The following CDC14A variants were observed in gnomAD, a reference collection of about 807,000 sequenced individuals.
The protein encoded by CDC14A is cell division cycle 14A.
A neutral mutation model predicts 74.4 loss-of-function variants in CDC14A; 53 were observed. The observed-to-expected ratio is 0.71, with a 90% CI of 0.57 to 0.89. CDC14A has a LOEUF of 0.89. Ranked by LOEUF, CDC14A falls within the 40% of genes least tolerant of loss-of-function variation. The pLI is 0.00. For missense variants in CDC14A, 646 were observed against 713.7 expected (o/e 0.91, Z 1.08); for synonymous variants, 247 against 258.4 (o/e 0.96, Z 0.43).
In CDC14A at chr1:100,468,073, C is replaced by T. The variant is rs199851809; in HGVS notation, c.956C>T (p.Pro319Leu). The T allele has an allele frequency of 3.5e-5, 56 of 1,613,434 alleles. No homozygotes were observed. Among genetic ancestry groups the T allele is most frequent in the Admixed American group, 8.3e-5 (5 of 59,910 alleles). Residue 319 changes from proline (P) to leucine (L), a missense_variant, in exon 10 of 16, where the codon CCC (proline) becomes CTC (leucine). Transcript: ENST00000336454. Reference protein sequence around the residue: ...RICRPGSIIGPQQHFLEEKQA... With the variant: ...RICRPGSIIGLQQHFLEEKQA... ...TGCCGGCCAGGCTCTATTATAGGAC[C>T]CCAGCAGCACTTCCTGGAAGAGTAA...
chr1:100,457,013 C>T (rs1666768489), intron 8 of CDC14A, among the ~76,000 whole-genome samples: 1 of 152,160 alleles, frequency 6.6e-6, no homozygotes. Context: ...TGACAATTGG[C>T]CTTTCAAGAT....
chr1:100,398,806 C>T (rs1298515089), intron 4 of CDC14A, among the ~76,000 whole-genome samples: 1 of 151,962 alleles, frequency 6.6e-6, no homozygotes, highest in Non-Finnish European at 1.5e-5. Context: ...GTGAATGACT[C>T]CCTGCCTGTT....
chr1:100,411,619 C>T (rs151038691), intron 4 of CDC14A, among the ~76,000 whole-genome samples: 31 of 152,196 alleles, frequency 2.0e-4, no homozygotes, highest in African/African-American at 5.3e-4. Context: ...TGTGGCCTTC[C>T]CTTCTAATAA....
intron 15 of CDC14A, among the ~76,000 whole-genome samples, chr1:100,504,602 G>C (rs947092329): frequency 2.0e-5 from 3 of 152,156 alleles, no homozygotes; most frequent in Admixed American, 6.5e-5. Context: ...GCTGCAGTTT[G>C]CCAACCCCTG....
intron 2 of CDC14A, among the ~76,000 whole-genome samples, chr1:100,369,947 A>G (rs534950132): frequency 5.3e-5 from 8 of 151,714 alleles, no homozygotes; most frequent in Admixed American, 4.6e-4. Flanking sequence ...AGTAGCTAGG[A>G]CTATAGATGT....
chr1:100,463,949 T>C (rs1667559660), intron 9 of CDC14A, among the ~76,000 whole-genome samples: 1 of 152,154 alleles, frequency 6.6e-6, no homozygotes, highest in Admixed American at 6.5e-5. Flanking sequence ...TTCCCTCTCA[T>C]TTTATGCTAA....
intron 4 of CDC14A, among the ~76,000 whole-genome samples, chr1:100,400,095 G>T (rs150232882): frequency 1.3e-5 from 2 of 152,138 alleles, no homozygotes; most frequent in African/African-American, 4.8e-5. Flanking sequence ...ACATTAAGCC[G>T]TCTGCTGAGT....
intron 8 of CDC14A, among the ~76,000 whole-genome samples, chr1:100,458,374 TTAAGA>T (rs1359671815): frequency 6.6e-6 from 1 of 152,210 alleles, no homozygotes; most frequent in African/African-American, 2.4e-5. Flanking sequence ...AATAATCACT[TTAAGA>T]TATCGCTCTA....
chr1:100,416,870 G>T (rs548296732), intron 4 of CDC14A, among the ~76,000 whole-genome samples: 1 of 152,086 alleles, frequency 6.6e-6, no homozygotes, highest in African/African-American at 2.4e-5. Context: ...AAGCATAGAG[G>T]GTTAGTTTCA....
At chr1:100,409,474 C>T (rs947362207) in intron 4 of CDC14A, among the ~76,000 whole-genome samples, 1 of 152,196 alleles carries the variant, frequency 6.6e-6, no homozygotes, top group Non-Finnish European at 1.5e-5. Flanking sequence ...TCATCTGAGA[C>T]AAGGCAAGTC....
At chr1:100,351,607 C>CT, upstream of CDC14A, 2 of 663,132 alleles carry the variant, frequency 3.0e-6, no homozygotes, top group South Asian at 3.7e-5. Context: ...CCAGTGGACT[C>CT]TCCTCTCTCT....
chr1:100,381,442 G>T (rs1426405333), intron 3 of CDC14A, among the ~76,000 whole-genome samples: 5 of 152,086 alleles, frequency 3.3e-5, no homozygotes, highest in African/African-American at 1.2e-4. Flanking sequence ...TGATTTCCCA[G>T]TTCTTTTAGG....
chr1:100,430,136 T>C (rs1490792577), intron 5 of CDC14A, among the ~76,000 whole-genome samples: 1 of 152,192 alleles, frequency 6.6e-6, no homozygotes, highest in Non-Finnish European at 1.5e-5. Flanking sequence ...TCCACACCTG[T>C]GTGGAACAAA....
chr1:100,451,491 A>C (rs1666140719), intron 7 of CDC14A, among the ~76,000 whole-genome samples: 1 of 152,194 alleles, frequency 6.6e-6, no homozygotes, highest in Non-Finnish European at 1.5e-5. Context: ...AATAATTCAA[A>C]TATTTACTTT....
intron 5 of CDC14A, among the ~76,000 whole-genome samples, chr1:100,431,618 G>A (rs1663691376): frequency 6.6e-6 from 1 of 151,690 alleles, no homozygotes; most frequent in Non-Finnish European, 1.5e-5. Flanking sequence ...GAGGCAAGAG[G>A]ATCACTTGAA....
At chr1:100,492,200 T>C (rs1670776505) in intron 11 of CDC14A, among the ~76,000 whole-genome samples, 1 of 152,228 alleles carries the variant, frequency 6.6e-6, no homozygotes, top group Non-Finnish European at 1.5e-5. Context: ...TGTACTGTTA[T>C]TTAATTTTCT....
chr1:100,411,017 AT>A (rs77243492), intron 4 of CDC14A, among the ~76,000 whole-genome samples: 10,789 of 151,596 alleles, frequency 0.071, 839 homozygotes, highest in African/African-American at 0.19. Context: ...CTGTATAGTG[AT>A]TTTTTTTTGT....
At chr1:100,420,547 G>A (rs1662243252) in intron 4 of CDC14A, among the ~76,000 whole-genome samples, 2 of 152,046 alleles carry the variant, frequency 1.3e-5, no homozygotes, top group East Asian at 1.9e-4. Flanking sequence ...TCACGGTGTA[G>A]TAAACACAAA....
At chr1:100,501,009 G>A (rs569613793) in intron 15 of CDC14A, among the ~76,000 whole-genome samples, 4 of 152,084 alleles carry the variant, frequency 2.6e-5, no homozygotes, top group African/African-American at 9.6e-5. Flanking sequence ...GAGCCACCAT[G>A]CTTGGCCTTG....
Sources: gnomAD v4.1 joint callset for allele counts (sites outside exome capture counted in the v4.1 genomes callset) on GRCh38, gnomAD v4.1.1 for gene constraint, MANE v1.5 for transcripts, NCBI Gene and HGNC (gene_info 2026-07-23, HGNC 2026-07-21) for gene names.